ITK: variants seen among roughly 807,000 people sequenced by gnomAD.
The protein encoded by ITK is IL2 inducible T cell kinase, also known as tyrosine-protein kinase ITK/TSK.
Under a neutral mutation model 87.6 loss-of-function variants are expected in ITK, and 45 were observed. That is an observed-to-expected ratio of 0.51 (90% CI 0.40 to 0.66). ITK has a LOEUF of 0.66. Among genes scored for constraint, ITK ranks in the 30% least tolerant of loss-of-function variants. The probability of loss-of-function intolerance (pLI) is 0.00; values close to 1 mark genes in which losing one functional copy is unlikely to be tolerated. For missense variants in ITK, 605 were observed against 766.3 expected (o/e 0.79, Z 2.48); for synonymous variants, 303 against 273.6 (o/e 1.11, Z -1.06).
chr5:157,247,648 TGATG>T (rs1228627898), intron 15 of ITK, among the ~76,000 whole-genome samples: 1 of 152,166 alleles, frequency 6.6e-6, no homozygotes, highest in Non-Finnish European at 1.5e-5. Context: ...GAAATGAGGT[TGATG>T]GATGGATGCA....
chr5:157,186,721 C>T (rs887986842), intron 1 of ITK, among the ~76,000 whole-genome samples: 3 of 151,672 alleles, frequency 2.0e-5, no homozygotes, highest in Non-Finnish European at 2.9e-5. Flanking sequence ...CCTTGGCAAG[C>T]TTTGCCTCCT....
At chr5:157,238,960 A>G (rs1754831459) in intron 9 of ITK, among the ~76,000 whole-genome samples, 1 of 152,158 alleles carries the variant, frequency 6.6e-6, no homozygotes, top group African/African-American at 2.4e-5. Context: ...ATTTTTTTGG[A>G]AGACTGAGGA....
intron 5 of ITK, among the ~76,000 whole-genome samples, chr5:157,222,558 G>A (rs1421424928): frequency 6.6e-6 from 1 of 152,178 alleles, no homozygotes; most frequent in African/African-American, 2.4e-5. Context: ...CCTTTGCCAA[G>A]GGCATGATGC....
At chr5:157,211,526 G>A in intron 3 of ITK, 158 bp downstream of exon 3, 2 of 673,240 alleles carry the variant, frequency 3.0e-6, no homozygotes, top group South Asian at 3.3e-5. Context: ...GGCCCAGGAA[G>A]CAATAACTGG....
chr5:157,185,276 T>C (rs1753618474), intron 1 of ITK, among the ~76,000 whole-genome samples: 1 of 151,730 alleles, frequency 6.6e-6, no homozygotes, highest in South Asian at 2.1e-4. Flanking sequence ...TCTTGCTGTG[T>C]CACCCAGGCT....
chr5:157,206,322 G>A (rs1196720825), intron 1 of ITK, among the ~76,000 whole-genome samples: 1 of 152,084 alleles, frequency 6.6e-6, no homozygotes, highest in African/African-American at 2.4e-5. Flanking sequence ...TTGCTTCGAT[G>A]TTCATCAATA....
chr5:157,225,466 T>TA (rs879591277), intron 6 of ITK, among the ~76,000 whole-genome samples: 114 of 143,812 alleles, frequency 7.9e-4, no homozygotes, highest in South Asian at 1.3e-3. Context: ...TCTGATGGGT[T>TA]AAAAAAAAAA....
rs189531161 is a variant in ITK, at chr5:157,237,992, G to T, written c.769-117G>T. 265 of 749,370 alleles carry T rather than the reference G, an allele frequency of 3.5e-4. 3 individuals are homozygous for T. Among genetic ancestry groups the T allele is most frequent in the Non-Finnish European group, 6.1e-5 (25 of 413,148 alleles). The allele number at this position is 749,370 out of a possible 1,614,324, so 46.4% of individuals were successfully genotyped here. ...ACGGTAGCCATTCTTACTGAAATCT[G>T]CTCTATGCCAAGTGGGCCTACAGTA... On this transcript the variant is annotated intron_variant, in intron 8 of 16. Coordinates refer to ENST00000422843, the MANE Select transcript of ITK (RefSeq NM_005546.4).
chr5:157,227,600 A>G (rs1390947607), intron 6 of ITK, among the ~76,000 whole-genome samples: 1 of 152,152 alleles, frequency 6.6e-6, no homozygotes, highest in African/African-American at 2.4e-5. Flanking sequence ...TGATAGTACT[A>G]AAGTGGAAAA....
At chr5:157,189,638 A>G (rs988929793) in intron 1 of ITK, among the ~76,000 whole-genome samples, 1 of 152,178 alleles carries the variant, frequency 6.6e-6, no homozygotes, top group Non-Finnish European at 1.5e-5. Flanking sequence ...CTGAGATCGC[A>G]CCACTGCACT....
chr5:157,228,665 C>T (rs905238807), intron 7 of ITK, among the ~76,000 whole-genome samples: 2 of 151,948 alleles, frequency 1.3e-5, no homozygotes, highest in Non-Finnish European at 2.9e-5. Context: ...GAGACAGGGT[C>T]TCACTGTCAC....
chr5:157,186,671 C>T (rs1488821237), intron 1 of ITK, among the ~76,000 whole-genome samples: 2 of 130,222 alleles, frequency 1.5e-5, no homozygotes, highest in Non-Finnish European at 3.3e-5. Context: ...AGTGAAACTC[C>T]GTCTCAAAAA....
intron 15 of ITK, among the ~76,000 whole-genome samples, chr5:157,248,275 G>C (rs1479376013): frequency 6.6e-6 from 1 of 152,130 alleles, no homozygotes; most frequent in Non-Finnish European, 1.5e-5. Flanking sequence ...TTTCTACCAA[G>C]GGCAGAAGAG....
chr5:157,199,665 T>C (rs925147088), intron 1 of ITK: 7 of 152,216 alleles, frequency 4.6e-5, no homozygotes, highest in African/African-American at 1.7e-4. Flanking sequence ...TGTACGCTGC[T>C]CTTCTACGTA....
At position 157,189,008 on chromosome 5, in the gene ITK, G is replaced by A. The variant is rs529286057; in HGVS notation, c.138+7893G>A. 5.3e-5 allele frequency among the ~76,000 whole-genome samples: 8 copies of A among 152,172 alleles called. No homozygotes were observed. In the East Asian group the frequency reaches 1.2e-3, roughly 22 times the overall value. On this transcript the variant is annotated intron_variant, in intron 1 of 16. Transcript: ENST00000422843. ...TGTAGTAGGTGATCAGTAAATATCCGGGGAATGAATGAAGGTCACATAACT... is the reference window on the plus strand; with the variant it reads ...TGTAGTAGGTGATCAGTAAATATCCAGGGAATGAATGAAGGTCACATAACT...
At chr5:157,202,106 A>T (rs572158651) in intron 1 of ITK, among the ~76,000 whole-genome samples, 37 of 152,276 alleles carry the variant, frequency 2.4e-4, no homozygotes, top group African/African-American at 8.2e-4. Flanking sequence ...GTGTTAGTTC[A>T]CTTGGGCTAA....
intron 15 of ITK, 44 bp downstream of exon 15, chr5:157,246,043 A>G: frequency 1.5e-6 from 2 of 1,316,150 alleles, no homozygotes; most frequent in Non-Finnish European, 1.1e-6. Context: ...TCTGGGCTTC[A>G]GGCCAGCTGT....
At chr5:157,240,241 G>T in intron 10 of ITK, 46 bp downstream of exon 10, 1 of 1,578,944 alleles carries the variant, frequency 6.3e-7, no homozygotes, top group South Asian at 1.1e-5. Flanking sequence ...AGCAGGAGGT[G>T]AGCAGCAGGT....
chr5:157,234,504 C>G (rs558610934), intron 8 of ITK, among the ~76,000 whole-genome samples: 1 of 152,230 alleles, frequency 6.6e-6, no homozygotes, highest in African/African-American at 2.4e-5. Context: ...AGTATAGGAC[C>G]TTTAAGAGAT....
Sources: gnomAD v4.1 joint callset for allele counts (sites outside exome capture counted in the v4.1 genomes callset) on GRCh38, gnomAD v4.1.1 for gene constraint, MANE v1.5 for transcripts, NCBI Gene and HGNC (gene_info 2026-07-23, HGNC 2026-07-21) for gene names.